Variants in GABRG3 observed in about 807,000 individuals in gnomAD.
The protein encoded by GABRG3 is gamma-aminobutyric acid receptor subunit gamma-3.
Under a neutral mutation model 48.8 loss-of-function variants are expected in GABRG3, and 25 were observed. That is an observed-to-expected ratio of 0.51 (90% CI 0.37 to 0.72). The LOEUF (loss-of-function observed/expected upper bound fraction) is 0.72. Among genes scored for constraint, GABRG3 ranks in the 30% least tolerant of loss-of-function variants. GABRG3 has a pLI of 0.00. For synonymous variants in GABRG3, 227 were observed against 217.6 expected (o/e 1.04, Z -0.38); for missense variants, 394 against 577.9 (o/e 0.68, Z 3.26).
At chr15:27,499,600 G>T (rs1299900920) in intron 6 of GABRG3, among the ~76,000 whole-genome samples, 1 of 152,240 alleles carries the variant, frequency 6.6e-6, no homozygotes, top group Non-Finnish European at 1.5e-5. Flanking sequence ...CCATAAGCAT[G>T]AGCATCAATT....
At chr15:27,422,528 A>G in intron 5 of GABRG3, 1 of 152,212 alleles carries the variant, frequency 6.6e-6, no homozygotes, top group Admixed American at 6.5e-5. Flanking sequence ...GAGTACTCTA[A>G]GACATCCATG....
intron 2 of GABRG3, among the ~76,000 whole-genome samples, chr15:27,021,799 C>T (rs550646037): frequency 6.6e-6 from 1 of 152,302 alleles, no homozygotes; most frequent in South Asian, 2.1e-4. Flanking sequence ...GCCATGATTG[C>T]ACCACTGCAC....
At chr15:27,128,169 C>CT (rs1897853945) in intron 3 of GABRG3, among the ~76,000 whole-genome samples, 1 of 152,194 alleles carries the variant, frequency 6.6e-6, no homozygotes, top group Non-Finnish European at 1.5e-5. Flanking sequence ...CAAAATCAGC[C>CT]TGGGCAACAT....
intron 3 of GABRG3, among the ~76,000 whole-genome samples, chr15:27,193,827 C>G (rs570838955): frequency 1.3e-5 from 2 of 152,342 alleles, no homozygotes; most frequent in African/African-American, 4.8e-5. Context: ...ACGCTGGGAG[C>G]TGTAGACTGG....
chr15:27,070,556 T>C (rs1384669743), intron 3 of GABRG3, among the ~76,000 whole-genome samples: 1 of 152,246 alleles, frequency 6.6e-6, no homozygotes, highest in Non-Finnish European at 1.5e-5. Context: ...CACCAACATT[T>C]GGAAGAATAT....
rs1237503170 is a variant in GABRG3, at chr15:27,533,576, A to G, written c.*695A>G. 2 of 152,244 alleles carry G rather than the reference A, an allele frequency of 1.3e-5. No individual in the cohort carries two copies. The highest frequency in any genetic ancestry group is 2.9e-5 in the Non-Finnish European group (2 of 68,074). The allele number at this position is 152,244 out of a possible 1,614,324, so 9.4% of individuals were successfully genotyped here. The stretch of plus-strand genomic sequence containing the variant: ...TCAAAGATGATTATCTCTGAACATC[A>G]GAAGGTTATTACTTTATTCCAACTT... On this transcript the variant is annotated 3_prime_UTR_variant, in exon 10 of 10. Coordinates refer to ENST00000615808, the MANE Select transcript of GABRG3 (RefSeq NM_033223.5).
At chr15:27,159,828 A>G (rs1457227245) in intron 3 of GABRG3, among the ~76,000 whole-genome samples, 1 of 152,190 alleles carries the variant, frequency 6.6e-6, no homozygotes, top group Non-Finnish European at 1.5e-5. Flanking sequence ...AGGAGGTCGC[A>G]TAGATTATGT....
intron 6 of GABRG3, among the ~76,000 whole-genome samples, chr15:27,501,034 C>T (rs555481848): frequency 6.2e-5 from 9 of 146,076 alleles, no homozygotes; most frequent in Non-Finnish European, 8.9e-5. Context: ...TCACTGCAAG[C>T]TCCGCCTCCC....
intron 3 of GABRG3, among the ~76,000 whole-genome samples, chr15:27,088,189 C>T (rs1419208916): frequency 6.8e-6 from 1 of 148,030 alleles, no homozygotes; most frequent in Non-Finnish European, 1.5e-5. Flanking sequence ...GAAAGGCAGC[C>T]TTGCAGGCGG....
chr15:27,264,624 A>G (rs1049861763), intron 3 of GABRG3, among the ~76,000 whole-genome samples: 4 of 152,036 alleles, frequency 2.6e-5, no homozygotes, highest in Non-Finnish European at 5.9e-5. Flanking sequence ...TTAAAAAAAA[A>G]AAAAACCTTA....
At chr15:27,265,052 G>A (rs1890876108) in intron 3 of GABRG3, among the ~76,000 whole-genome samples, 1 of 151,846 alleles carries the variant, frequency 6.6e-6, no homozygotes, top group African/African-American at 2.4e-5. Context: ...TACTCCCACA[G>A]CCTAACAACC....
rs1891492148 is a variant in GABRG3, at chr15:27,534,001, C to T, written c.*1120C>T. 1 of 151,830 alleles carries T rather than the reference C, an allele frequency of 6.6e-6. No individual in the cohort carries two copies. The highest frequency in any genetic ancestry group is 1.5e-5 in the Non-Finnish European group (1 of 67,980). 9.4% of individuals were successfully genotyped at this position (151,830 alleles called of 1,614,324 possible). On this transcript the variant is annotated 3_prime_UTR_variant, in exon 10 of 10. Transcript: ENST00000615808. ...TACAGGTGTGCGCTACCACACCCGG[C>T]TAATTTTTGTATTTTTGTTTTTTGT...
chr15:27,281,269 A>G (rs1891424633), intron 3 of GABRG3, among the ~76,000 whole-genome samples: 1 of 152,120 alleles, frequency 6.6e-6, no homozygotes, highest in African/African-American at 2.4e-5. Context: ...TGGTGTATTC[A>G]GATCATTATA....
At chr15:27,391,607 A>G (rs1887133743) in intron 5 of GABRG3, among the ~76,000 whole-genome samples, 1 of 152,154 alleles carries the variant, frequency 6.6e-6, no homozygotes, top group Non-Finnish European at 1.5e-5. Context: ...CCTGGGGAAC[A>G]TGGGGGCCTC....
At chr15:27,450,803 A>G (rs571589269) in intron 5 of GABRG3, among the ~76,000 whole-genome samples, 1 of 152,200 alleles carries the variant, frequency 6.6e-6, no homozygotes, top group Admixed American at 6.5e-5. Context: ...ACATGATCTT[A>G]TATGTAGAAA....
chr15:26,977,243 C>A, intron 2 of GABRG3, 93 bp downstream of exon 2: 1 of 1,319,810 alleles, frequency 7.6e-7, no homozygotes. Flanking sequence ...AAGAGTATTG[C>A]AAAGATAGTG....
chr15:27,082,323 A>T (rs992973233), intron 3 of GABRG3, among the ~76,000 whole-genome samples: 12 of 152,238 alleles, frequency 7.9e-5, no homozygotes, highest in African/African-American at 2.9e-4. Context: ...ATGAAAGGAA[A>T]TGAAGTTGCA....
intron 6 of GABRG3, among the ~76,000 whole-genome samples, chr15:27,511,694 G>A (rs1464479958): frequency 6.6e-6 from 1 of 152,204 alleles, no homozygotes; most frequent in Admixed American, 6.5e-5. Flanking sequence ...GGGGTAGAGG[G>A]AATAGATGAT....
intron 5 of GABRG3, among the ~76,000 whole-genome samples, chr15:27,397,805 T>TAA (rs1566823269): frequency 6.6e-4 from 28 of 42,578 alleles, no homozygotes; most frequent in African/African-American, 1.6e-3. Context: ...CTGAAAAATT[T>TAA]TTTTTTTTTT....
Sources: allele counts gnomAD v4.1 joint callset (sites outside exome capture counted in the v4.1 genomes callset), GRCh38; gene constraint gnomAD v4.1.1; transcripts MANE v1.5; gene names NCBI Gene and HGNC (gene_info 2026-07-23, HGNC 2026-07-21).